Variants in GLMN observed in about 807,000 individuals in gnomAD.
The protein encoded by GLMN is glomulin.
Under a neutral mutation model 87.8 loss-of-function variants are expected in GLMN, and 75 were observed. The observed-to-expected ratio is 0.85, with a 90% CI of 0.71 to 1.04. GLMN has a LOEUF of 1.04. Ranked by LOEUF, GLMN falls within the 50% of genes least tolerant of loss-of-function variation. The probability of loss-of-function intolerance (pLI) is 0.00; values close to 1 mark genes in which losing one functional copy is unlikely to be tolerated. For synonymous variants in GLMN, 206 were observed against 221.6 expected (o/e 0.93, Z 0.63); for missense variants, 588 against 658.8 (o/e 0.89, Z 1.18).
intron 7 of GLMN, among the ~76,000 whole-genome samples, chr1:92,281,284 A>G (rs1648013316): frequency 6.6e-6 from 1 of 152,212 alleles, no homozygotes; most frequent in Non-Finnish European, 1.5e-5. Flanking sequence ...CAGAAACCCT[A>G]CAAGCCAGAA....
At chr1:92,259,732 C>CTTTTTTTTTTTTTTTTTTTTTTTTT (rs58390058) in intron 16 of GLMN, among the ~76,000 whole-genome samples, 1 of 108,192 alleles carries the variant, frequency 9.2e-6, no homozygotes, top group African/African-American at 3.4e-5. Context: ...TTTTTTCTTT[C>CTTTTTTTTTTTTTTTTTTTTTTTTT]TTTTTTTTTT....
intron 16 of GLMN, among the ~76,000 whole-genome samples, chr1:92,253,536 C>T (rs983097741): frequency 2.6e-4 from 40 of 152,170 alleles, no homozygotes; most frequent in African/African-American, 7.0e-4. Context: ...TGGCATCTGG[C>T]GGGTGCCCCT....
the GLMN span, among the ~76,000 whole-genome samples, chr1:92,336,070 AG>A: frequency 2.0e-5 from 3 of 152,080 alleles, no homozygotes; most frequent in South Asian, 4.1e-4. Context: ...GAAAATAAAC[AG>A]GTAAGTAAAA....
At chr1:92,320,418 G>A in the GLMN span, among the ~76,000 whole-genome samples, 3 of 151,942 alleles carry the variant, frequency 2.0e-5, no homozygotes, top group African/African-American at 7.3e-5. Flanking sequence ...GACTACAGGC[G>A]CGCACCGCCA....
At chr1:92,324,306 G>A in the GLMN span, 2 of 1,614,032 alleles carry the variant, frequency 1.2e-6, no homozygotes, top group Non-Finnish European at 1.7e-6. Context: ...TAAATCTGAG[G>A]ATCAGGGAGT....
At chr1:92,308,309 C>T in the GLMN span, among the ~76,000 whole-genome samples, 1 of 152,190 alleles carries the variant, frequency 6.6e-6, no homozygotes, top group Non-Finnish European at 1.5e-5. Context: ...CACCACCAGT[C>T]TGCCAGCTTC....
intron 16 of GLMN, among the ~76,000 whole-genome samples, chr1:92,261,130 A>T (rs921257904): frequency 2.1e-4 from 32 of 152,128 alleles, no homozygotes; most frequent in African/African-American, 7.5e-4. Flanking sequence ...ACTGCTGCTG[A>T]ATTTTATATT....
chr1:92,349,517 T>G, the GLMN span, among the ~76,000 whole-genome samples: 1 of 152,156 alleles, frequency 6.6e-6, no homozygotes, highest in South Asian at 2.1e-4. Context: ...CAGGATAACA[T>G]AAATAAAACT....
At chr1:92,257,411 T>C (rs957643355) in intron 16 of GLMN, among the ~76,000 whole-genome samples, 1 of 152,144 alleles carries the variant, frequency 6.6e-6, no homozygotes, top group Non-Finnish European at 1.5e-5. Flanking sequence ...AAATTTCATA[T>C]AGAACCAAAA....
At chr1:92,266,967 A>G (rs1655712188) in intron 11 of GLMN, among the ~76,000 whole-genome samples, 1 of 152,252 alleles carries the variant, frequency 6.6e-6, no homozygotes, top group Non-Finnish European at 1.5e-5. Flanking sequence ...TTTTAAAAGC[A>G]AACGATAATT....
chr1:92,348,331 C>T, the GLMN span, among the ~76,000 whole-genome samples: 2 of 152,262 alleles, frequency 1.3e-5, no homozygotes, highest in Non-Finnish European at 2.9e-5. Flanking sequence ...AACTGGACAA[C>T]TAAAATCTTC....
At chr1:92,320,712 G>A in the GLMN span, 7 of 1,131,804 alleles carry the variant, frequency 6.2e-6, no homozygotes, top group South Asian at 9.8e-5. Context: ...GGTGATATGA[G>A]CTCTTGGACT....
chr1:92,251,178 C>CA (rs1653440235), intron 16 of GLMN, among the ~76,000 whole-genome samples: 1 of 152,114 alleles, frequency 6.6e-6, no homozygotes, highest in Non-Finnish European at 1.5e-5. Context: ...TTGGCAGACT[C>CA]ACATTACTTG....
intron 18 of GLMN, 130 bp downstream of exon 18, chr1:92,246,932 T>A: frequency 1.4e-6 from 1 of 732,896 alleles, no homozygotes; most frequent in Non-Finnish European, 2.5e-6. Flanking sequence ...CTGAGGTGGG[T>A]GGATCACTTG....
intron 16 of GLMN, among the ~76,000 whole-genome samples, chr1:92,249,195 G>A (rs865863922): frequency 1.3e-5 from 2 of 150,380 alleles, no homozygotes; most frequent in Non-Finnish European, 1.5e-5. Context: ...AAGAAAAAAT[G>A]TACAGACGTA....
At chr1:92,267,567 G>C in intron 11 of GLMN, among the ~76,000 whole-genome samples, 1 of 152,060 alleles carries the variant, frequency 6.6e-6, no homozygotes, top group Middle Eastern at 3.4e-3. Flanking sequence ...AGCTGGGTGT[G>C]GTGGCGGGCG....
intron 7 of GLMN, among the ~76,000 whole-genome samples, chr1:92,275,671 T>C (rs1256099186): frequency 1.3e-5 from 2 of 152,224 alleles, no homozygotes; most frequent in African/African-American, 4.8e-5. Context: ...TCCAACACTG[T>C]ACTTACACTG....
chr1:92,280,213 G>T (rs1647852216), intron 7 of GLMN, among the ~76,000 whole-genome samples: 1 of 152,210 alleles, frequency 6.6e-6, no homozygotes, highest in Admixed American at 6.5e-5. Flanking sequence ...CCAGTAGGGG[G>T]CCGACAGACA....
rs1284389266 is a variant in GLMN, at chr1:92,277,930, C to G, written c.736-6278G>C. Among the ~76,000 whole-genome samples, 2 of 151,996 alleles carry G rather than the reference C, an allele frequency of 1.3e-5. 1 individual carries two copies. The highest frequency in any genetic ancestry group is 4.8e-5 in the African/African-American group (2 of 41,326). Reference sequence around the variant, plus strand: ...CTGATTTATTGCCAGTCAGTTAGAGCACAGGTAAAACATCCTAGGGCTTGA... The same window carrying G: ...CTGATTTATTGCCAGTCAGTTAGAGGACAGGTAAAACATCCTAGGGCTTGA... On this transcript the variant is annotated intron_variant, in intron 7 of 18. Transcript: ENST00000370360.
Sources: gnomAD v4.1 joint callset for allele counts (sites outside exome capture counted in the v4.1 genomes callset) on GRCh38, gnomAD v4.1.1 for gene constraint, MANE v1.5 for transcripts, NCBI Gene and HGNC (gene_info 2026-07-23, HGNC 2026-07-21) for gene names.